Variants in DHRS7B observed in about 807,000 individuals in gnomAD.
DHRS7B encodes the protein dehydrogenase/reductase 7B.
A neutral mutation model predicts 26.4 loss-of-function variants in DHRS7B; 24 were observed. The ratio of observed to expected loss-of-function variants is 0.91; its 90% CI spans 0.66 to 1.28. DHRS7B has a LOEUF of 1.28. DHRS7B is among the 50% of genes most tolerant of loss of function. The pLI, the probability that DHRS7B is intolerant of heterozygous loss-of-function variation, is 0.00. For synonymous variants in DHRS7B, 142 were observed against 166.4 expected, an observed-to-expected ratio of 0.85 and a Z score of 1.13; for missense variants, 368 against 419.4, an observed-to-expected ratio of 0.88 and a Z score of 1.07.
chr17:21,149,458 G>T (rs1234590244), intron 1 of DHRS7B, among the ~76,000 whole-genome samples: 1 of 152,178 alleles, frequency 6.6e-6, no homozygotes, highest in Non-Finnish European at 1.5e-5. Context: ...GACAAACCCA[G>T]AATACTCTAA....
chr17:21,165,650 G>A (rs1295888040), intron 1 of DHRS7B, among the ~76,000 whole-genome samples: 2 of 152,120 alleles, frequency 1.3e-5, no homozygotes, highest in Non-Finnish European at 2.9e-5. Flanking sequence ...AGCATATTAA[G>A]GCCGGACGTG....
intron 2 of DHRS7B, among the ~76,000 whole-genome samples, chr17:21,177,166 G>A (rs1450511080): frequency 3.3e-5 from 5 of 152,260 alleles, no homozygotes; most frequent in Admixed American, 1.3e-4. Context: ...GCCTTCCCTG[G>A]GATTTGATCA....
chr17:21,179,653 G>A (rs1974468397), intron 3 of DHRS7B, among the ~76,000 whole-genome samples: 1 of 151,920 alleles, frequency 6.6e-6, no homozygotes, highest in African/African-American at 2.4e-5. Flanking sequence ...TAATCAGGTT[G>A]TTGTTTGTTG....
At chr17:21,163,631 C>T (rs1285776479) in intron 1 of DHRS7B, among the ~76,000 whole-genome samples, 2 of 152,178 alleles carry the variant, frequency 1.3e-5, no homozygotes, top group Non-Finnish European at 2.9e-5. Context: ...GCCCTTGCCA[C>T]ATGGTAATTA....
chr17:21,129,149 A>G (rs999983406), intron 1 of DHRS7B, among the ~76,000 whole-genome samples: 4 of 152,204 alleles, frequency 2.6e-5, no homozygotes, highest in Non-Finnish European at 4.4e-5. Context: ...GAGATAGTAA[A>G]TATATAAATA....
At chr17:21,169,806 T>G (rs1156940896) in intron 1 of DHRS7B, among the ~76,000 whole-genome samples, 2 of 152,138 alleles carry the variant, frequency 1.3e-5, no homozygotes, top group South Asian at 4.1e-4. Context: ...ACACGCCTAG[T>G]GGGGCTCTGG....
At chr17:21,151,042 C>T (rs1973758281) in intron 1 of DHRS7B, among the ~76,000 whole-genome samples, 1 of 152,182 alleles carries the variant, frequency 6.6e-6, no homozygotes, top group Admixed American at 6.5e-5. Context: ...CATCTAGATA[C>T]ATCGTAGTCA....
chr17:21,176,579 C>T (rs888145275), intron 2 of DHRS7B, among the ~76,000 whole-genome samples: 1 of 151,892 alleles, frequency 6.6e-6, no homozygotes, highest in African/African-American at 2.4e-5. Flanking sequence ...CCAGCCTGAG[C>T]AACAGAGTAA....
chr17:21,170,196 A>G (rs1459908284), intron 1 of DHRS7B, among the ~76,000 whole-genome samples: 2 of 152,206 alleles, frequency 1.3e-5, no homozygotes, highest in Non-Finnish European at 2.9e-5. Context: ...TTCCCCTAGG[A>G]AACCCTCCCA....
At chr17:21,146,027 T>C (rs553765057) in intron 1 of DHRS7B, among the ~76,000 whole-genome samples, 27 of 152,362 alleles carry the variant, frequency 1.8e-4, no homozygotes, top group African/African-American at 5.0e-4. Context: ...CTGTTTCTTA[T>C]ATTACCTAAC....
At chr17:21,166,442 C>G (rs2144084801) in intron 1 of DHRS7B, 1 of 985,270 alleles carries the variant, frequency 1.0e-6, no homozygotes, top group East Asian at 1.1e-4. Flanking sequence ...GCGCCAGGAA[C>G]CGCCACTGGC....
chr17:21,146,137 C>T (rs1973638317), intron 1 of DHRS7B, among the ~76,000 whole-genome samples: 1 of 152,160 alleles, frequency 6.6e-6, no homozygotes, highest in African/African-American at 2.4e-5. Context: ...GGCACTGTAG[C>T]ATAGTACATG....
chr17:21,163,632 A>G (rs1192965381), intron 1 of DHRS7B, among the ~76,000 whole-genome samples: 1 of 152,184 alleles, frequency 6.6e-6, no homozygotes, highest in Admixed American at 6.5e-5. Flanking sequence ...CCCTTGCCAC[A>G]TGGTAATTAA....
In DHRS7B at chr17:21,184,466, G is replaced by T; in HGVS notation, c.619+3G>T. 1.2e-6 allele frequency: 2 copies of T among 1,612,418 alleles called. No individual in the cohort carries two copies. Among genetic ancestry groups the T allele is most frequent in the Non-Finnish European group, 1.7e-6 (2 of 1,179,364 alleles). On this transcript the variant is annotated splice_donor_region_variant and intron_variant, in intron 5 of 6. Coordinates refer to ENST00000395511, the MANE Select transcript of DHRS7B (RefSeq NM_015510.5). ...GAGCATTCCTTTTCGATCAGCATGT[G>T]AGTACTTCTCTCTCCCACAAAATGC...
At chr17:21,127,067 T>G in intron 1 of DHRS7B, 76 bp downstream of exon 1, 1 of 1,413,692 alleles carries the variant, frequency 7.1e-7, no homozygotes, top group Non-Finnish European at 9.3e-7. Context: ...CGCCCCGGCT[T>G]GGGTGAGGGG....
At chr17:21,149,358 A>G (rs1036857484) in intron 1 of DHRS7B, among the ~76,000 whole-genome samples, 1 of 152,212 alleles carries the variant, frequency 6.6e-6, no homozygotes, top group Admixed American at 6.5e-5. Flanking sequence ...AGAAATGCTA[A>G]AGGGAGTTCT....
At chr17:21,167,801 T>G (rs1479965261) in intron 1 of DHRS7B, among the ~76,000 whole-genome samples, 1 of 152,262 alleles carries the variant, frequency 6.6e-6, no homozygotes, top group Non-Finnish European at 1.5e-5. Flanking sequence ...TCTGGCTATA[T>G]ATCTGAAACT....
intron 1 of DHRS7B, among the ~76,000 whole-genome samples, chr17:21,156,269 A>G (rs920593746): frequency 6.6e-6 from 1 of 152,218 alleles, no homozygotes; most frequent in Non-Finnish European, 1.5e-5. Context: ...AATATCAGAA[A>G]TGAAAGCAAG....
At chr17:21,190,074 G>A (rs2144260979) in intron 6 of DHRS7B, among the ~76,000 whole-genome samples, 1 of 152,256 alleles carries the variant, frequency 6.6e-6, no homozygotes, top group Middle Eastern at 3.4e-3. Flanking sequence ...GCTGAGGCAG[G>A]AGGATTGCTT....
Sources: allele counts gnomAD v4.1 joint callset (sites outside exome capture counted in the v4.1 genomes callset), GRCh38; gene constraint gnomAD v4.1.1; transcripts MANE v1.5; gene names NCBI Gene and HGNC (gene_info 2026-07-23, HGNC 2026-07-21).